GMEB2: variants seen among roughly 807,000 people sequenced by gnomAD.
The protein encoded by GMEB2 is glucocorticoid modulatory element binding protein 2.
In GMEB2, 7 loss-of-function variants were observed where a neutral mutation model predicts 45.7. That is an observed-to-expected ratio of 0.15 (90% CI 0.09 to 0.29). The LOEUF is 0.29. Among genes scored for constraint, GMEB2 ranks in the 10% least tolerant of loss-of-function variants. The probability of loss-of-function intolerance (pLI) is 1.00; values close to 1 mark genes in which losing one functional copy is unlikely to be tolerated. For missense variants in GMEB2, 582 were observed against 739.2 expected, an observed-to-expected ratio of 0.79 and a Z score of 2.47; for synonymous variants, 322 against 323.6, an observed-to-expected ratio of 1.00 and a Z score of 0.05.
At chr20:63,611,720 C>A (rs2089572247) in intron 2 of GMEB2, among the ~76,000 whole-genome samples, 2 of 152,124 alleles carry the variant, frequency 1.3e-5, no homozygotes, top group Admixed American at 1.3e-4. Context: ...CCCAGGGGAT[C>A]AAATTGTTTT....
At position 63,592,235 on chromosome 20, in the gene GMEB2, G is replaced by T; in HGVS notation, c.830-91C>A. On this transcript the variant is annotated intron_variant, in intron 8 of 9. Coordinates refer to ENST00000370077, the MANE Select transcript of GMEB2 (RefSeq NM_012384.5). This position sits in a 1 kb window ranked among gnomAD's most constrained non-coding sequence, Gnocchi z 8.2. ...GGTGAGAGCCCGGGACCTTCCTAGA[G>T]AGTCACGTGGACGCTCGGTGAGAGC... 1 of 1,227,254 alleles carries T rather than the reference G, an allele frequency of 8.1e-7. No homozygotes were observed. The allele number at this position is 1,227,254 out of a possible 1,614,324, so 76.0% of individuals were successfully genotyped here.
rs1444445555 is a variant in GMEB2, at chr20:63,593,902, C to G, written c.620-820G>C. Among the ~76,000 whole-genome samples, 1 of 152,220 alleles carries G rather than the reference C, an allele frequency of 6.6e-6. No homozygotes were observed. The highest frequency in any genetic ancestry group is 2.4e-5 in the African/African-American group (1 of 41,466). On this transcript the variant is annotated intron_variant, in intron 6 of 9. Coordinates refer to ENST00000370077, the MANE Select transcript of GMEB2 (RefSeq NM_012384.5). This position sits in a 1 kb window ranked among gnomAD's most constrained non-coding sequence, Gnocchi z 4.7. ...GGGTGTGGCGGCGTGCGCCTGTAAT[C>G]CCAGCTACTCGGGAGGCTGAGGCAG...
intron 4 of GMEB2, among the ~76,000 whole-genome samples, chr20:63,600,063 A>T (rs2083230587): frequency 6.6e-6 from 1 of 151,302 alleles, no homozygotes; most frequent in Non-Finnish European, 1.5e-5. Flanking sequence ...TTTTTTTGAG[A>T]TGGAGTCTCA....
intron 9 of GMEB2, 93 bp from the exon 10 acceptor site, chr20:63,590,822 G>A: frequency 1.2e-6 from 1 of 817,432 alleles, no homozygotes; most frequent in Non-Finnish European, 1.8e-6. Flanking sequence ...CCATCTGGGT[G>A]GCCCCTGGGT....
intron 2 of GMEB2, among the ~76,000 whole-genome samples, chr20:63,611,403 G>A (rs576439549): frequency 1.9e-4 from 29 of 152,282 alleles, no homozygotes; most frequent in African/African-American, 6.3e-4. Context: ...CTTGAGGTCA[G>A]GAGTTCAAGA....
intron 2 of GMEB2, among the ~76,000 whole-genome samples, chr20:63,618,647 G>T (rs1387585693): frequency 6.6e-6 from 1 of 152,178 alleles, no homozygotes; most frequent in Non-Finnish European, 1.5e-5. Context: ...CGGGAAGACT[G>T]CCCCAGACCA....
At chr20:63,599,523 G>A (rs1042020631) in intron 4 of GMEB2, among the ~76,000 whole-genome samples, 12 of 152,150 alleles carry the variant, frequency 7.9e-5, no homozygotes, top group South Asian at 2.1e-4. Context: ...TCACGGTGTC[G>A]TCACTCGCCA....
Position 63,592,429 on chromosome 20 carries a change from C to A in GMEB2, c.829+104G>T. On this transcript the variant is annotated intron_variant, in intron 8 of 9. Transcript: ENST00000370077. The surrounding 1 kb of genome is among the most constrained non-coding windows in gnomAD (Gnocchi z 8.2). ...TCCCAAGCCTAGATTCAGCCTCCAA[C>A]CCAGCAGCACAGAAGGGCCTAGGGG... The A allele has an allele frequency of 1.1e-6, 1 of 881,130 alleles. No individual in the cohort carries two copies. Among genetic ancestry groups the A allele is most frequent in the Non-Finnish European group, 1.7e-6 (1 of 573,802 alleles). 54.6% of individuals were successfully genotyped at this position (881,130 alleles called of 1,614,324 possible).
At chr20:63,600,672 C>G (rs1268779911) in intron 4 of GMEB2, among the ~76,000 whole-genome samples, 2 of 141,408 alleles carry the variant, frequency 1.4e-5, no homozygotes, top group Non-Finnish European at 3.0e-5. Flanking sequence ...GAGCCAAGAT[C>G]GCGCCATTGC....
intron 5 of GMEB2, among the ~76,000 whole-genome samples, chr20:63,596,110 A>G (rs2083198574): frequency 2.6e-5 from 4 of 152,228 alleles, no homozygotes; most frequent in African/African-American, 7.2e-5. Flanking sequence ...ACCCACAGCT[A>G]ACAAAGGTGG....
rs1455279318 is a variant in GMEB2 at position 63,625,151 on chromosome 20, C to T, written c.-58+1805G>A. On this transcript the variant is annotated intron_variant, in intron 1 of 9. Transcript: ENST00000370077. ...CCTCGCCCTATTGCCTTCCCAAGGG[C>T]GAGCACCCCCTCCTCTCTCCACAGC... Among the ~76,000 whole-genome samples the T allele has an allele frequency of 7.2e-5, 11 of 152,240 alleles. No homozygotes were observed. In the East Asian group the frequency reaches 1.7e-3, roughly 24 times the overall value.
rs1158596101 is a variant in GMEB2, at chr20:63,589,879, G to A, written c.*210C>T. On this transcript the variant is annotated 3_prime_UTR_variant, in exon 10 of 10. Coordinates refer to ENST00000370077, the MANE Select transcript of GMEB2 (RefSeq NM_012384.5). ...TCCCAAGAAAAAAGGGGGAGGAAAC[G>A]TGGGACCTGAAGACCGATTTTCCAG... is the stretch of plus-strand genomic sequence containing the variant. 12 of 428,060 alleles carry A rather than the reference G, an allele frequency of 2.8e-5. No individual in the cohort carries two copies. The highest frequency in any genetic ancestry group is 4.1e-5 in the Admixed American group (1 of 24,354). 26.5% of individuals were successfully genotyped at this position (428,060 alleles called of 1,614,324 possible).
At position 63,627,065 on chromosome 20, in the gene GMEB2, T is replaced by C. The variant is rs1057239014; in HGVS notation, c.-167A>G. ...GCGGGCTTCGCTCCTTGTTGGGGAT[T>C]CGGCGGCGGCGGCGGCGCGGGCGCG... On this transcript the variant is annotated 5_prime_UTR_variant, in exon 1 of 10. Coordinates refer to ENST00000370077, the MANE Select transcript of GMEB2 (RefSeq NM_012384.5). 4.0e-5 allele frequency: 6 copies of C among 151,396 alleles called. No homozygotes were observed. The highest frequency in any genetic ancestry group is 1.5e-4 in the African/African-American group (6 of 40,790). 9.4% of individuals were successfully genotyped at this position (151,396 alleles called of 1,614,324 possible).
chr20:63,615,702 TTAAC>T (rs2089603514), intron 2 of GMEB2, among the ~76,000 whole-genome samples: 2 of 152,130 alleles, frequency 1.3e-5, no homozygotes, highest in African/African-American at 4.8e-5. Context: ...ACAAAGATCA[TTAAC>T]TAAAGCCAAA....
chr20:63,623,852 C>T (rs1383942659), intron 1 of GMEB2, among the ~76,000 whole-genome samples: 1 of 150,912 alleles, frequency 6.6e-6, no homozygotes, highest in Non-Finnish European at 1.5e-5. Flanking sequence ...TGGCTCACGC[C>T]CATAATCCTA....
chr20:63,602,221 T>C (rs2083247370), intron 4 of GMEB2, among the ~76,000 whole-genome samples: 1 of 152,204 alleles, frequency 6.6e-6, no homozygotes, highest in South Asian at 2.1e-4. Context: ...ACTCTCAGCT[T>C]GAGGCTTTCA....
intron 1 of GMEB2, among the ~76,000 whole-genome samples, chr20:63,624,776 CGGCTCAATGCAAGCTCTGCCTCCCG>C (rs1232795164): frequency 6.6e-6 from 1 of 152,140 alleles, no homozygotes; most frequent in Non-Finnish European, 1.5e-5. Context: ...GGCCCGATCT[CGGCTCAATGCAAGCTCTGCCTCCCG>C]GGTTCAAGCG....
rs1433640730 is a variant in GMEB2, at chr20:63,590,741, T to TACAGATGG, written c.953-20_953-13dup. The TACAGATGG allele has an allele frequency of 6.8e-7, 1 of 1,470,796 alleles. No homozygotes were observed. Among genetic ancestry groups the TACAGATGG allele is most frequent in the Non-Finnish European group, 9.1e-7 (1 of 1,103,398 alleles). The allele number at this position is 1,470,796 out of a possible 1,614,324, so 91.1% of individuals were successfully genotyped here. On this transcript the variant is annotated splice_polypyrimidine_tract_variant and intron_variant, in intron 9 of 9. Transcript: ENST00000370077. ...CTGCTGCTCCAGGGCTGCAGGGAGG[T>TACAGATGG]ACAGATGGCATCACACAGGGGACGG...
intron 6 of GMEB2, among the ~76,000 whole-genome samples, chr20:63,595,063 A>G (rs931940173): frequency 6.6e-6 from 1 of 152,200 alleles, no homozygotes; most frequent in Non-Finnish European, 1.5e-5. Context: ...AAATTTCTCT[A>G]TTCATAAAGC....
Sources: gnomAD v4.1 joint callset for allele counts (sites outside exome capture counted in the v4.1 genomes callset) on GRCh38, gnomAD v4.1.1 for gene constraint, Gnocchi (gnomAD v3.1) non-coding constraint, MANE v1.5 for transcripts, NCBI Gene and HGNC (gene_info 2026-07-23, HGNC 2026-07-21) for gene names.